The following AMPH variants were observed in gnomAD, a reference collection of about 807,000 sequenced individuals.
The protein encoded by AMPH is amphiphysin, also known as amphiphysin (Stiff-Mann syndrome with breast cancer 128kD autoantigen).
A neutral mutation model predicts 99.1 loss-of-function variants in AMPH; 49 were observed. The observed-to-expected ratio is 0.49, with a 90% CI of 0.39 to 0.63. The LOEUF (loss-of-function observed/expected upper bound fraction) is 0.63, where lower values mean the gene tolerates loss of function less well. Ranked by LOEUF, AMPH falls within the 20% of genes least tolerant of loss-of-function variation. The pLI, the probability that AMPH is intolerant of heterozygous loss-of-function variation, is 0.00. For missense variants in AMPH, 759 were observed against 863.4 expected (o/e 0.88, Z 1.52); for synonymous variants, 314 against 317.3 (o/e 0.99, Z 0.11).
At chr7:38,581,221 C>T (rs991615111) in intron 1 of AMPH, among the ~76,000 whole-genome samples, 2 of 151,650 alleles carry the variant, frequency 1.3e-5, no homozygotes, top group Non-Finnish European at 2.9e-5. Flanking sequence ...AAAAAAAGTG[C>T]CAGGGAGAAA....
chr7:38,471,659 C>G (rs1014572), intron 7 of AMPH, among the ~76,000 whole-genome samples: 37,729 of 152,022 alleles, frequency 0.25, 5,711 homozygotes, highest in African/African-American at 0.39. Flanking sequence ...GGACTGAGCA[C>G]AGCAATCGAA....
intron 2 of AMPH, among the ~76,000 whole-genome samples, chr7:38,512,810 AT>A (rs1286823070): frequency 2.6e-5 from 4 of 152,354 alleles, no homozygotes; most frequent in African/African-American, 9.6e-5. Flanking sequence ...TACTGATGAA[AT>A]AAAATAAATA....
At chr7:38,620,334 A>ATGTG (rs1235215214) in intron 1 of AMPH, among the ~76,000 whole-genome samples, 14 of 86,212 alleles carry the variant, frequency 1.6e-4, no homozygotes, top group African/African-American at 4.5e-4. Flanking sequence ...GGAGATATAT[A>ATGTG]TATGTGTGTG....
At chr7:38,606,935 T>G (rs1052005383) in intron 1 of AMPH, among the ~76,000 whole-genome samples, 5 of 152,196 alleles carry the variant, frequency 3.3e-5, no homozygotes, top group African/African-American at 4.8e-5. Flanking sequence ...CACATTTTAT[T>G]TATCTTTCCT....
chr7:38,487,835 C>T (rs953209255), intron 5 of AMPH, among the ~76,000 whole-genome samples: 1 of 151,878 alleles, frequency 6.6e-6, no homozygotes, highest in Non-Finnish European at 1.5e-5. Flanking sequence ...AAGAAGAAAC[C>T]AAACGACCCC....
chr7:38,480,689 A>G (rs1193152328), intron 5 of AMPH, among the ~76,000 whole-genome samples: 16 of 152,188 alleles, frequency 1.1e-4, no homozygotes, highest in African/African-American at 3.9e-4. Flanking sequence ...TAGCCTAGGC[A>G]GAGTAGAGTG....
chr7:38,622,998 C>T (rs1441651457), intron 1 of AMPH, among the ~76,000 whole-genome samples: 2 of 152,136 alleles, frequency 1.3e-5, no homozygotes. Context: ...ATGCTGGACT[C>T]ACATTAGGGA....
chr7:38,552,175 C>G (rs1031012004), intron 1 of AMPH, among the ~76,000 whole-genome samples: 5 of 152,212 alleles, frequency 3.3e-5, no homozygotes, highest in Non-Finnish European at 7.3e-5. Flanking sequence ...ACCCTTTTGT[C>G]AAAAATGAGT....
chr7:38,421,048 C>T (rs545974057), intron 16 of AMPH: 7 of 456,476 alleles, frequency 1.5e-5, no homozygotes, highest in Non-Finnish European at 3.1e-5. Context: ...AGGTTAGCAG[C>T]ATTTGCAATG....
chr7:38,552,261 A>T (rs1791205181), intron 1 of AMPH, among the ~76,000 whole-genome samples: 1 of 152,036 alleles, frequency 6.6e-6, no homozygotes, highest in African/African-American at 2.4e-5. Context: ...AGACCCCAGG[A>T]CCCCCTGCAC....
At chr7:38,594,508 T>G (rs1182828597) in intron 1 of AMPH, among the ~76,000 whole-genome samples, 2 of 152,208 alleles carry the variant, frequency 1.3e-5, no homozygotes, top group Admixed American at 1.3e-4. Flanking sequence ...GTTATTGTCC[T>G]GTTTTATGGT....
At chr7:38,513,466 T>C (rs766574732) in intron 2 of AMPH, among the ~76,000 whole-genome samples, 10 of 152,114 alleles carry the variant, frequency 6.6e-5, no homozygotes, top group Non-Finnish European at 1.3e-4. Flanking sequence ...ACCAATTGGG[T>C]TGAGAGAATA....
chr7:38,487,405 A>C (rs1194233908), intron 5 of AMPH, among the ~76,000 whole-genome samples: 1 of 152,212 alleles, frequency 6.6e-6, no homozygotes, highest in African/African-American at 2.4e-5. Context: ...CAAATCTGAC[A>C]AAAACAAGCA....
intron 1 of AMPH, among the ~76,000 whole-genome samples, chr7:38,578,443 AT>A (rs142908387): frequency 0.063 from 9,640 of 152,204 alleles, 353 homozygotes; most frequent in East Asian, 0.12. Flanking sequence ...TTTAACGAAA[AT>A]TTTTTTTAAA....
chr7:38,544,518 G>A (rs1207947402), intron 1 of AMPH, among the ~76,000 whole-genome samples: 1 of 152,168 alleles, frequency 6.6e-6, no homozygotes, highest in African/African-American at 2.4e-5. Flanking sequence ...AATATAATAC[G>A]GCTGTGCCTT....
At chr7:38,500,368 G>A (rs1429469670) in intron 3 of AMPH, among the ~76,000 whole-genome samples, 1 of 152,200 alleles carries the variant, frequency 6.6e-6, no homozygotes, top group Non-Finnish European at 1.5e-5. Flanking sequence ...GCAAACCCAA[G>A]ATGGGGAAAA....
Position 38,389,827 on chromosome 7 carries a change from G to C in AMPH, c.1957C>G (p.Pro653Ala), listed in dbSNP as rs1784440379. Reference protein sequence around the residue: ...LQRGDVVLVVPSDSEADQDAG... With the variant: ...LQRGDVVLVVASDSEADQDAG... ...ACCTGATCAGCTTCTGAATCTGAGG[G>C]GACCACCAGCACCACATCACCCCTT... Residue 653 changes from proline (P) to alanine (A), a missense_variant, in exon 20 of 21, where the codon CCC becomes GCC. Pro to Ala is a conservative substitution (Grantham distance 27). Around this residue, in one of 2 missense-constraint regions of AMPH, gnomAD observed 554 missense variants for 575.6 expected, o/e 0.96. Transcript: ENST00000356264. The C allele has an allele frequency of 1.2e-6, 2 of 1,613,560 alleles. No individual in the cohort carries two copies.
chr7:38,455,930 C>T (rs741265), intron 11 of AMPH, among the ~76,000 whole-genome samples: 3,941 of 152,314 alleles, frequency 0.026, 75 homozygotes, highest in Admixed American at 0.053. Flanking sequence ...AGGAGAAATC[C>T]TATGCACCTC....
At chr7:38,558,036 G>C (rs1174808541) in intron 1 of AMPH, among the ~76,000 whole-genome samples, 1 of 151,522 alleles carries the variant, frequency 6.6e-6, no homozygotes, top group Non-Finnish European at 1.5e-5. Flanking sequence ...GTTATATGAA[G>C]AAAAATACAG....
Sources: allele counts gnomAD v4.1 joint callset (sites outside exome capture counted in the v4.1 genomes callset), GRCh38; gene constraint gnomAD v4.1.1; regional missense constraint gnomAD v4.1.1; transcripts MANE v1.5; gene names NCBI Gene and HGNC (gene_info 2026-07-23, HGNC 2026-07-21).